The following HIVEP2 variants were observed in gnomAD, a reference collection of about 807,000 sequenced individuals.
HIVEP2 encodes the protein HIVEP zinc finger 2, also known as transcription factor HIVEP2.
Under a neutral mutation model 180.7 loss-of-function variants are expected in HIVEP2, and 14 were observed. The ratio of observed to expected loss-of-function variants is 0.08; its 90% CI spans 0.05 to 0.12. HIVEP2 has a LOEUF of 0.12. Ranked by LOEUF, HIVEP2 falls within the 10% of genes least tolerant of loss-of-function variation. HIVEP2 has a pLI of 1.00. For synonymous variants in HIVEP2, 1,184 were observed against 1,136.4 expected, an observed-to-expected ratio of 1.04 and a Z score of -0.84; for missense variants, 2,579 against 3,008.5, an observed-to-expected ratio of 0.86 and a Z score of 3.34.
At chr6:142,831,546 T>C (rs1775081424) in intron 2 of HIVEP2, among the ~76,000 whole-genome samples, 2 of 152,218 alleles carry the variant, frequency 1.3e-5, no homozygotes, top group Non-Finnish European at 1.5e-5. Flanking sequence ...ATGTCAGCTG[T>C]GCTTTGCCTT....
rs1266300288 is a variant in HIVEP2, at chr6:142,773,527, T to C, written c.1212A>G (p.Ser404=). The C allele has an allele frequency of 6.2e-7, 1 of 1,614,272 alleles. No individual in the cohort carries two copies. The highest frequency in any genetic ancestry group is 1.1e-5 in the South Asian group (1 of 91,088). ...GSTDSGYFSR[S]ESAEQQISPP... ...GGCTTATTTGCTGCTCAGCACTTTC[T>C]GAGCGAGAAAAGTAACCAGAATCAG... Residue 404 remains serine (S), a synonymous_variant, in exon 5 of 10, where the codon TCA becomes TCG. Transcript: ENST00000367603.
chr6:142,815,215 G>A (rs930630058), intron 2 of HIVEP2, among the ~76,000 whole-genome samples: 1 of 152,120 alleles, frequency 6.6e-6, no homozygotes, highest in Non-Finnish European at 1.5e-5. Context: ...TCCAATACTT[G>A]CTCTTTGGGG....
intron 1 of HIVEP2, among the ~76,000 whole-genome samples, chr6:142,849,494 C>G (rs1775594087): frequency 6.6e-6 from 1 of 151,488 alleles, no homozygotes; most frequent in Non-Finnish European, 1.5e-5. Flanking sequence ...TCATTAGCAG[C>G]TAGAGTGATT....
intron 1 of HIVEP2, among the ~76,000 whole-genome samples, chr6:142,860,405 G>A (rs1478975196): frequency 6.6e-6 from 1 of 152,158 alleles, no homozygotes; most frequent in Non-Finnish European, 1.5e-5. Context: ...CCATGGACTG[G>A]CGGCAGGCAG....
rs183765405 is a variant in HIVEP2 at position 142,943,057 on chromosome 6, G to A, written c.-641+2042C>T. ...AGTAAATACTGGTAAATCCCTTTCA[G>A]CTCACAATGCAAATGTACAGTTGTC... On this transcript the variant is annotated intron_variant, in intron 1 of 9. Coordinates refer to ENST00000367603, the MANE Select transcript of HIVEP2 (RefSeq NM_006734.4). This position sits in a 1 kb window ranked among gnomAD's most constrained non-coding sequence, Gnocchi z 4.5. Among the ~76,000 whole-genome samples, 78 of 152,184 alleles carry A rather than the reference G, an allele frequency of 5.1e-4. No individual in the cohort carries two copies. Among genetic ancestry groups the A allele is most frequent in the Admixed American group, 4.4e-3 (68 of 15,306 alleles).
Position 142,768,485 on chromosome 6 carries a change from C to T in HIVEP2, c.5239G>A (p.Val1747Met). 3 of 1,613,492 alleles carry T rather than the reference C, an allele frequency of 1.9e-6. No homozygotes were observed. The highest frequency in any genetic ancestry group is 8.5e-7 in the Non-Finnish European group (1 of 1,179,690). The change falls in exon 6 of 10, where the codon GTG becomes ATG. Residue 1747 changes from valine to methionine, a missense_variant. Val to Met is a conservative substitution (Grantham distance 21, BLOSUM62 1). Transcript: ENST00000367603. ...LFGSKLERKL[V>M]GNILKERGKG... Reference sequence around the variant, plus strand: ...CCTCTTTCCTTTAAGATATTTCCCACTAGTTTCCTTTCTAGTTTGCTGCCA... The same window carrying T: ...CCTCTTTCCTTTAAGATATTTCCCATTAGTTTCCTTTCTAGTTTGCTGCCA...
intron 1 of HIVEP2, among the ~76,000 whole-genome samples, chr6:142,860,610 G>A (rs1022050319): frequency 5.3e-5 from 8 of 152,158 alleles, no homozygotes; most frequent in African/African-American, 1.4e-4. Context: ...TCATGCATTA[G>A]ATTCTCTTTG....
chr6:142,761,851 T>A (rs1430857402), intron 7 of HIVEP2, among the ~76,000 whole-genome samples: 1 of 152,184 alleles, frequency 6.6e-6, no homozygotes, highest in Non-Finnish European at 1.5e-5. Context: ...AAAGCAAGAC[T>A]AGAAATCCCA....
chr6:142,754,076 T>C, intron 9 of HIVEP2, 145 bp from the exon 10 acceptor site: 1 of 559,060 alleles, frequency 1.8e-6, no homozygotes, highest in Admixed American at 3.2e-5. Flanking sequence ...CAAGTTTTCC[T>C]ATTTCAAGAC....
chr6:142,751,599 G>T lies in HIVEP2; in HGVS notation c.*1508C>A, dbSNP rs1774921257. 1 of 152,656 alleles carries T rather than the reference G, an allele frequency of 6.6e-6. No individual in the cohort carries two copies. The highest frequency in any genetic ancestry group is 2.4e-5 in the African/African-American group (1 of 41,450). 9.5% of individuals were successfully genotyped at this position (152,656 alleles called of 1,614,324 possible). On this transcript the variant is annotated 3_prime_UTR_variant, in exon 10 of 10. Coordinates refer to ENST00000367603, the MANE Select transcript of HIVEP2 (RefSeq NM_006734.4). ...GATAACCCAGATTGTATGTGTGCGT[G>T]CACACATGTGCGTGCCTGTGCACAT...
Position 142,773,596 on chromosome 6 carries a change from A to C in HIVEP2, c.1143T>G (p.Ser381=). 1 of 1,614,248 alleles carries C rather than the reference A, an allele frequency of 6.2e-7. No homozygotes were observed. Among genetic ancestry groups the C allele is most frequent in the Non-Finnish European group, 8.5e-7 (1 of 1,180,042 alleles). The change falls in exon 5 of 10, where the codon TCT becomes TCG. Residue 381 remains serine (S), a synonymous_variant. Transcript: ENST00000367603. Reference sequence around the variant, plus strand: ...GGCTCAGAAGGTTGAGCGATGGCTCAGAATCTTGTCCTTTTTTCTCTGACA... The same window carrying C: ...GGCTCAGAAGGTTGAGCGATGGCTCCGAATCTTGTCCTTTTTTCTCTGACA... The part of the protein sequence containing the change: ...LRLSEKKGQD[S]EPSLNLLSPH...
chr6:142,876,087 G>A (rs1032283377), intron 1 of HIVEP2, among the ~76,000 whole-genome samples: 3 of 152,104 alleles, frequency 2.0e-5, no homozygotes, highest in Admixed American at 6.5e-5. Flanking sequence ...TAGTGTCATG[G>A]AAGCTGGGAG....
chr6:142,782,153 G>T (rs1021530200), intron 3 of HIVEP2, among the ~76,000 whole-genome samples: 1 of 152,158 alleles, frequency 6.6e-6, no homozygotes, highest in African/African-American at 2.4e-5. Context: ...GGATTTGGTG[G>T]TATGACACTT....
At chr6:142,901,874 T>C (rs1042050143) in intron 1 of HIVEP2, among the ~76,000 whole-genome samples, 2 of 152,098 alleles carry the variant, frequency 1.3e-5, no homozygotes, top group Non-Finnish European at 2.9e-5. Context: ...AGTGCAAACA[T>C]GCGGAGGAGG....
At chr6:142,880,311 C>T (rs1349568039) in intron 1 of HIVEP2, among the ~76,000 whole-genome samples, 1 of 152,052 alleles carries the variant, frequency 6.6e-6, no homozygotes, top group Non-Finnish European at 1.5e-5. Flanking sequence ...AACCCCATAA[C>T]TTGCACCCTC....
At chr6:142,768,648 G>A (rs1032264875) in intron 5 of HIVEP2, 112 bp from the exon 6 acceptor site, 10 of 993,118 alleles carry the variant, frequency 1.0e-5, no homozygotes, top group Non-Finnish European at 1.4e-5. Context: ...GTACTAAAAG[G>A]CCAGGAACTA....
intron 6 of HIVEP2, among the ~76,000 whole-genome samples, chr6:142,765,540 C>A (rs748059201): frequency 1.3e-5 from 2 of 152,196 alleles, no homozygotes; most frequent in Non-Finnish European, 2.9e-5. Flanking sequence ...GAGCTCAGCT[C>A]ACCAACTGTT....
At chr6:142,762,471 C>CAT (rs1554275424) in intron 7 of HIVEP2, among the ~76,000 whole-genome samples, 3 of 145,332 alleles carry the variant, frequency 2.1e-5, no homozygotes, top group Non-Finnish European at 4.6e-5. Flanking sequence ...CACACACACA[C>CAT]ACACACACAC....
chr6:142,881,690 C>A (rs1369353749), intron 1 of HIVEP2, among the ~76,000 whole-genome samples: 1 of 152,088 alleles, frequency 6.6e-6, no homozygotes, highest in Non-Finnish European at 1.5e-5. Context: ...TATATTCTTC[C>A]AAGTAAAAAG....
Sources: gnomAD v4.1 joint callset for allele counts (sites outside exome capture counted in the v4.1 genomes callset) on GRCh38, gnomAD v4.1.1 for gene constraint, Gnocchi (gnomAD v3.1) non-coding constraint, MANE v1.5 for transcripts, NCBI Gene and HGNC (gene_info 2026-07-23, HGNC 2026-07-21) for gene names.